PRDM6: variants seen among roughly 807,000 people sequenced by gnomAD.
PRDM6 encodes putative histone-lysine N-methyltransferase PRDM6.
In PRDM6, 25 loss-of-function variants were observed where a neutral mutation model predicts 60.8. That is an observed-to-expected ratio of 0.41 (90% CI 0.30 to 0.57). The LOEUF is 0.57. Among genes scored for constraint, PRDM6 ranks in the 20% least tolerant of loss-of-function variants. The pLI, the probability that PRDM6 is intolerant of heterozygous loss-of-function variation, is 0.27. For synonymous variants in PRDM6, 407 were observed against 357.4 expected (o/e 1.14, Z -1.57); for missense variants, 839 against 821.3 (o/e 1.02, Z -0.26).
chr5:123,089,810 C>T (rs1426469329), intron 1 of PRDM6, among the ~76,000 whole-genome samples, 190 bp from the exon 2 acceptor site: 5 of 152,210 alleles, frequency 3.3e-5, no homozygotes, highest in Admixed American at 6.5e-5. Context: ...GCACACAGCT[C>T]CCTCTGTGCG....
chr5:123,193,282 G>C lies in PRDM6; in HGVS notation c.*6081G>C, dbSNP rs413357. ...ATCACTCCCAACTGAAAACAGTCTA[G>C]ATATAAACTTTAACAAGCTGGAGAT... On this transcript the variant is annotated 3_prime_UTR_variant, in exon 8 of 8. Coordinates refer to ENST00000407847, the MANE Select transcript of PRDM6 (RefSeq NM_001136239.4). 1.3e-5 allele frequency: 2 copies of C among 152,132 alleles called. No individual in the cohort carries two copies. The highest frequency in any genetic ancestry group is 4.8e-5 in the African/African-American group (2 of 41,418). The allele number at this position is 152,132 out of a possible 1,614,324, so 9.4% of individuals were successfully genotyped here.
At chr5:123,129,571 T>C (rs1764772955) in intron 3 of PRDM6, among the ~76,000 whole-genome samples, 1 of 152,178 alleles carries the variant, frequency 6.6e-6, no homozygotes, top group African/African-American at 2.4e-5. Flanking sequence ...TGGTATATCA[T>C]TATCATCAAC....
chr5:123,145,409 T>C (rs1765217371), intron 3 of PRDM6, among the ~76,000 whole-genome samples: 1 of 152,222 alleles, frequency 6.6e-6, no homozygotes, highest in African/African-American at 2.4e-5. Flanking sequence ...AGCTGCTTAC[T>C]AAATTTTTGT....
intron 3 of PRDM6, among the ~76,000 whole-genome samples, chr5:123,151,423 A>G (rs991097367): frequency 3.3e-5 from 5 of 152,162 alleles, no homozygotes; most frequent in Non-Finnish European, 5.9e-5. Flanking sequence ...TCTCTTCAGG[A>G]TATTTACAGG....
intron 6 of PRDM6, among the ~76,000 whole-genome samples, chr5:123,172,337 A>G (rs1765910851): frequency 6.6e-6 from 1 of 152,204 alleles, no homozygotes; most frequent in African/African-American, 2.4e-5. Context: ...GCTTAGCATC[A>G]ACATTGCTGT....
At chr5:123,159,242 T>C (rs923806207) in intron 4 of PRDM6, among the ~76,000 whole-genome samples, 21 of 152,210 alleles carry the variant, frequency 1.4e-4, no homozygotes, top group African/African-American at 4.6e-4. Flanking sequence ...TAAAATTAAT[T>C]CTTCCTTTCT....
intron 3 of PRDM6, among the ~76,000 whole-genome samples, chr5:123,127,696 C>CTCTT (rs1004481897): frequency 4.0e-5 from 6 of 150,906 alleles, no homozygotes; most frequent in African/African-American, 4.9e-5. Context: ...TCTTTTCTTT[C>CTCTT]TCTTTCTTTC....
chr5:123,164,298 T>A (rs922335564), intron 5 of PRDM6, among the ~76,000 whole-genome samples: 1 of 152,190 alleles, frequency 6.6e-6, no homozygotes, highest in East Asian at 1.9e-4. Context: ...GCCTCTTGTG[T>A]ACAGTGCAAA....
At chr5:123,144,332 T>C (rs560129943) in intron 3 of PRDM6, among the ~76,000 whole-genome samples, 1 of 152,342 alleles carries the variant, frequency 6.6e-6, no homozygotes, top group African/African-American at 2.4e-5. Flanking sequence ...ACTACACATT[T>C]TCGAATTCCT....
chr5:123,130,359 T>G (rs1315244786), intron 3 of PRDM6, among the ~76,000 whole-genome samples: 1 of 137,970 alleles, frequency 7.2e-6, no homozygotes. Context: ...CCTCCTTTTT[T>G]TCTTCCCTCC....
intron 2 of PRDM6, among the ~76,000 whole-genome samples, chr5:123,091,868 C>G (rs1025205865): frequency 1.3e-5 from 2 of 152,050 alleles, no homozygotes; most frequent in African/African-American, 4.8e-5. Context: ...CTGTGAACTT[C>G]TTAATTCGTT....
At chr5:123,104,196 T>C (rs1175122241) in intron 3 of PRDM6, among the ~76,000 whole-genome samples, 1 of 152,144 alleles carries the variant, frequency 6.6e-6, no homozygotes, top group African/African-American at 2.4e-5. Flanking sequence ...AATATATTAA[T>C]GAAAACCAAT....
At chr5:123,167,503 C>T (rs1054710495) in intron 5 of PRDM6, among the ~76,000 whole-genome samples, 1 of 152,176 alleles carries the variant, frequency 6.6e-6, no homozygotes, top group Non-Finnish European at 1.5e-5. Flanking sequence ...GATTCTTCCG[C>T]CCCAGCCTCC....
At chr5:123,168,708 C>T (rs1454785319) in intron 5 of PRDM6, among the ~76,000 whole-genome samples, 1 of 152,254 alleles carries the variant, frequency 6.6e-6, no homozygotes, top group African/African-American at 2.4e-5. Flanking sequence ...ACGCTAGGCT[C>T]TTTCTAGGTC....
chr5:123,163,845 G>A (rs1765688162), intron 5 of PRDM6, among the ~76,000 whole-genome samples: 1 of 152,216 alleles, frequency 6.6e-6, no homozygotes, highest in Non-Finnish European at 1.5e-5. Context: ...GGCAGAATGT[G>A]AACCTTGATG....
chr5:123,117,113 A>G (rs749607676), intron 3 of PRDM6, among the ~76,000 whole-genome samples: 4 of 152,116 alleles, frequency 2.6e-5, no homozygotes, highest in Non-Finnish European at 2.9e-5. Context: ...GGAGCTCTGG[A>G]GCCCCCAAAT....
intron 5 of PRDM6, among the ~76,000 whole-genome samples, chr5:123,169,682 C>T (rs557077710): frequency 6.6e-6 from 1 of 152,278 alleles, no homozygotes; most frequent in East Asian, 1.9e-4. Flanking sequence ...GACCAAATCA[C>T]GGATTTAGAT....
chr5:123,118,410 C>T (rs1315484571), intron 3 of PRDM6, among the ~76,000 whole-genome samples: 1 of 152,086 alleles, frequency 6.6e-6, no homozygotes, highest in African/African-American at 2.4e-5. Flanking sequence ...GTTTGAGATG[C>T]AAATAGGAAA....
At chr5:123,116,175 C>T (rs1032785667) in intron 3 of PRDM6, among the ~76,000 whole-genome samples, 1 of 152,154 alleles carries the variant, frequency 6.6e-6, no homozygotes, top group Non-Finnish European at 1.5e-5. Context: ...GTGGAGCTGG[C>T]TCTTTTGACC....
Sources: gnomAD v4.1 joint callset for allele counts (sites outside exome capture counted in the v4.1 genomes callset) on GRCh38, gnomAD v4.1.1 for gene constraint, MANE v1.5 for transcripts, NCBI Gene and HGNC (gene_info 2026-07-23, HGNC 2026-07-21) for gene names.